PLD5: variants seen among roughly 807,000 people sequenced by gnomAD.
PLD5 encodes the protein inactive phospholipase D5.
A neutral mutation model predicts 61.1 loss-of-function variants in PLD5; 36 were observed. The ratio of observed to expected loss-of-function variants is 0.59; its 90% CI spans 0.45 to 0.78. PLD5 has a LOEUF of 0.78. Ranked by LOEUF, PLD5 falls within the 30% of genes least tolerant of loss-of-function variation. PLD5 has a pLI of 0.00. For synonymous variants in PLD5, 243 were observed against 242.8 expected (o/e 1.00, Z -0.01); for missense variants, 515 against 644.4 (o/e 0.80, Z 2.17).
chr1:242,333,851 T>TATATA (rs1250971085), intron 2 of PLD5, among the ~76,000 whole-genome samples: 3 of 152,178 alleles, frequency 2.0e-5, no homozygotes, highest in Admixed American at 2.0e-4. Context: ...CTGAATAATA[T>TATATA]TCCATTGCAT....
chr1:242,473,137 G>A (rs1667493200), intron 1 of PLD5, among the ~76,000 whole-genome samples: 2 of 152,088 alleles, frequency 1.3e-5, no homozygotes, highest in African/African-American at 4.8e-5. Context: ...AGCCCCCAAA[G>A]GATAATTCAA....
chr1:242,454,518 A>G (rs552471898), intron 1 of PLD5, among the ~76,000 whole-genome samples: 19 of 152,326 alleles, frequency 1.2e-4, no homozygotes, highest in Non-Finnish European at 1.0e-4. Context: ...AAAAGAAACC[A>G]TCACTTTCTA....
At chr1:242,288,226 T>C (rs1675142186) in intron 3 of PLD5, 136 bp downstream of exon 3, 1 of 1,204,298 alleles carries the variant, frequency 8.3e-7, no homozygotes, top group Non-Finnish European at 1.1e-6. Flanking sequence ...TACATAAATG[T>C]AATAATGTAC....
chr1:242,468,851 C>T (rs988904042), intron 1 of PLD5, among the ~76,000 whole-genome samples: 5 of 152,188 alleles, frequency 3.3e-5, no homozygotes, highest in African/African-American at 9.7e-5. Flanking sequence ...ACGTGGTTTA[C>T]ACATTTTAAC....
intron 4 of PLD5, among the ~76,000 whole-genome samples, chr1:242,244,790 C>A (rs1672265612): frequency 6.6e-6 from 1 of 152,216 alleles, no homozygotes; most frequent in Admixed American, 6.5e-5. Context: ...GTATAAACTT[C>A]TGAATCATGA....
At chr1:242,244,262 G>C (rs1048802682) in intron 4 of PLD5, among the ~76,000 whole-genome samples, 1 of 152,182 alleles carries the variant, frequency 6.6e-6, no homozygotes, top group South Asian at 2.1e-4. Flanking sequence ...TATTCTTGCA[G>C]AGGAGCCTCA....
At chr1:242,405,632 A>C (rs1664195710) in intron 1 of PLD5, among the ~76,000 whole-genome samples, 1 of 147,372 alleles carries the variant, frequency 6.8e-6, no homozygotes. Flanking sequence ...ATGGAGTTTC[A>C]CTCTTATTGC....
At chr1:242,220,178 C>A in intron 4 of PLD5, 63 bp from the exon 5 acceptor site, 1 of 1,575,700 alleles carries the variant, frequency 6.3e-7, no homozygotes, top group South Asian at 1.1e-5. Context: ...CTGTCAGTCA[C>A]CTACCAGTGG....
chr1:242,434,119 G>A (rs12078970), intron 1 of PLD5, among the ~76,000 whole-genome samples: 30,981 of 152,126 alleles, frequency 0.2, 4,320 homozygotes, highest in African/African-American at 0.4. Context: ...AGAAGCTGCA[G>A]GCAGCAAGGC....
At chr1:242,168,864 T>TTTTTTTC in intron 5 of PLD5, among the ~76,000 whole-genome samples, 1 of 142,010 alleles carries the variant, frequency 7.0e-6, no homozygotes, top group African/African-American at 2.5e-5. Context: ...TTTTTTTTTT[T>TTTTTTTC]TTACCACCCC....
chr1:242,164,966 G>A (rs2148858426), intron 5 of PLD5, among the ~76,000 whole-genome samples: 1 of 152,158 alleles, frequency 6.6e-6, no homozygotes, highest in Non-Finnish European at 1.5e-5. Flanking sequence ...TTTCCCACCT[G>A]CCAGTATCTA....
intron 1 of PLD5, among the ~76,000 whole-genome samples, chr1:242,517,037 G>A (rs1004381474): frequency 1.3e-5 from 2 of 152,094 alleles, no homozygotes; most frequent in East Asian, 1.9e-4. Context: ...TTGCCTATTG[G>A]CTTTGAATCC....
intron 1 of PLD5, among the ~76,000 whole-genome samples, chr1:242,409,954 G>A (rs955805701): frequency 1.3e-5 from 2 of 152,172 alleles, no homozygotes; most frequent in Non-Finnish European, 2.9e-5. Flanking sequence ...GGCTAGAGCT[G>A]GGGCTTTCCT....
chr1:242,173,369 A>T (rs999994471), intron 5 of PLD5, among the ~76,000 whole-genome samples: 25 of 152,178 alleles, frequency 1.6e-4, no homozygotes, highest in Non-Finnish European at 2.6e-4. Context: ...CTTCAAGGAG[A>T]ACTACAAACC....
chr1:242,328,901 C>G (rs1367650410), intron 2 of PLD5, among the ~76,000 whole-genome samples: 1 of 152,198 alleles, frequency 6.6e-6, no homozygotes, highest in Non-Finnish European at 1.5e-5. Context: ...ATTTGACAGT[C>G]TCTTTTCAGG....
At chr1:242,361,792 T>C (rs558565974) in intron 1 of PLD5, among the ~76,000 whole-genome samples, 41 of 152,284 alleles carry the variant, frequency 2.7e-4, no homozygotes, top group African/African-American at 9.4e-4. Context: ...GTATTACACT[T>C]GAAATTTTCA....
chr1:242,398,072 A>G (rs1663701381), intron 1 of PLD5, among the ~76,000 whole-genome samples: 1 of 152,234 alleles, frequency 6.6e-6, no homozygotes, highest in Admixed American at 6.5e-5. Context: ...AATTGCAGAA[A>G]GCAAAGATAG....
chr1:242,181,862 C>A (rs1420936442), intron 5 of PLD5, among the ~76,000 whole-genome samples: 2 of 152,064 alleles, frequency 1.3e-5, no homozygotes, highest in East Asian at 3.9e-4. Flanking sequence ...AGGACGGTCT[C>A]GATCTCTTGA....
Position 242,107,778 on chromosome 1 carries a change from C to A in PLD5, c.1132G>T (p.Val378Phe), listed in dbSNP as rs1371320259. ...TTCCAGAAGCTTAAAAGGAGTCGAA[C>A]TCTAACGCTTCGTAAAACTAATGCT... ...REALVLRSVR[V>F]RLLLSFWKET... Residue 378 changes from valine (V) to phenylalanine (F), a missense_variant, in exon 8 of 10, where the codon GTT (valine) becomes TTT (phenylalanine). Physicochemically the swap from Val to Phe is conservative, Grantham distance 50. Coordinates refer to ENST00000536534, the MANE Select transcript of PLD5 (RefSeq NM_001372062.1). The A allele has an allele frequency of 3.1e-6, 5 of 1,612,532 alleles. No homozygotes were observed. Among genetic ancestry groups the A allele is most frequent in the Non-Finnish European group, 4.2e-6 (5 of 1,179,616 alleles).
Sources: gnomAD v4.1 joint callset for allele counts (sites outside exome capture counted in the v4.1 genomes callset) on GRCh38, gnomAD v4.1.1 for gene constraint, MANE v1.5 for transcripts, NCBI Gene and HGNC (gene_info 2026-07-23, HGNC 2026-07-21) for gene names.